HMGCLL1: variants seen among roughly 807,000 people sequenced by gnomAD.
HMGCLL1 encodes 3-hydroxymethyl-3-methylglutaryl-CoA lyase, cytoplasmic.
In HMGCLL1, 36 loss-of-function variants were observed where a neutral mutation model predicts 39.1. The observed-to-expected ratio is 0.92, with a 90% CI of 0.71 to 1.22. HMGCLL1 has a LOEUF of 1.22. Among genes scored for constraint, HMGCLL1 ranks in the 50% most tolerant of loss-of-function variants. The pLI is 0.00. For missense variants in HMGCLL1, 451 were observed against 416.5 expected (o/e 1.08, Z -0.72); for synonymous variants, 149 against 144.0 (o/e 1.03, Z -0.25).
At chr6:55,497,846 A>G (rs1766655610) in intron 6 of HMGCLL1, among the ~76,000 whole-genome samples, 1 of 152,222 alleles carries the variant, frequency 6.6e-6, no homozygotes, top group Non-Finnish European at 1.5e-5. Context: ...TGCAAAGAAC[A>G]TTCCAGGTAG....
intron 5 of HMGCLL1, among the ~76,000 whole-genome samples, chr6:55,511,583 G>A (rs1187411740): frequency 6.6e-6 from 1 of 151,898 alleles, no homozygotes; most frequent in Non-Finnish European, 1.5e-5. Context: ...AAATTTTCTG[G>A]ATGATTATCA....
At chr6:55,648,089 G>A in the HMGCLL1 span, among the ~76,000 whole-genome samples, 1 of 135,128 alleles carries the variant, frequency 7.4e-6, no homozygotes, top group South Asian at 2.5e-4. Context: ...TCCCTACAAA[G>A]GATATGAACT....
At chr6:55,543,483 T>C (rs1326483368) in intron 1 of HMGCLL1, among the ~76,000 whole-genome samples, 5 of 17,312 alleles carry the variant, frequency 2.9e-4, no homozygotes, top group Non-Finnish European at 1.4e-4. Context: ...ATATAATATA[T>C]ATATGATATA....
chr6:55,518,991 C>T (rs758260449), intron 3 of HMGCLL1, among the ~76,000 whole-genome samples: 3 of 152,064 alleles, frequency 2.0e-5, no homozygotes, highest in African/African-American at 4.8e-5. Flanking sequence ...AAAAGAAAGA[C>T]GGACGGTTGC....
the HMGCLL1 span, among the ~76,000 whole-genome samples, chr6:55,602,055 C>T: frequency 1.3e-5 from 2 of 151,974 alleles, no homozygotes; most frequent in South Asian, 2.1e-4. Context: ...TAAAATGCCC[C>T]GTTATCTCTC....
At chr6:55,619,713 C>T in the HMGCLL1 span, among the ~76,000 whole-genome samples, 1 of 152,086 alleles carries the variant, frequency 6.6e-6, no homozygotes, top group East Asian at 1.9e-4. Flanking sequence ...CAATTATACT[C>T]TTTAAGTCAT....
chr6:55,530,543 T>C (rs1035795637), intron 3 of HMGCLL1, among the ~76,000 whole-genome samples: 1 of 151,954 alleles, frequency 6.6e-6, no homozygotes, highest in Non-Finnish European at 1.5e-5. Context: ...TAAAATCAAA[T>C]ATTTTATGAA....
intron 1 of HMGCLL1, among the ~76,000 whole-genome samples, chr6:55,547,330 G>C (rs977580241): frequency 6.6e-6 from 1 of 151,974 alleles, no homozygotes; most frequent in Non-Finnish European, 1.5e-5. Flanking sequence ...GCCAGCGTGT[G>C]TATGCTTGTG....
chr6:55,560,885 C>G (rs890374329), intron 1 of HMGCLL1, among the ~76,000 whole-genome samples: 6 of 152,094 alleles, frequency 3.9e-5, no homozygotes, highest in Non-Finnish European at 7.4e-5. Flanking sequence ...TGGATGCAAC[C>G]TTTATCAGCC....
chr6:55,474,703 C>T (rs538266126), intron 7 of HMGCLL1, among the ~76,000 whole-genome samples: 2 of 151,292 alleles, frequency 1.3e-5, no homozygotes, highest in African/African-American at 4.8e-5. Context: ...TTGTTGTTGT[C>T]GTTGAAAGCC....
intron 1 of HMGCLL1, among the ~76,000 whole-genome samples, chr6:55,560,424 G>T (rs150241918): frequency 6.6e-6 from 1 of 152,188 alleles, no homozygotes; most frequent in African/African-American, 2.4e-5. Context: ...CTCATGTTCT[G>T]TTTCATGTGA....
chr6:55,532,716 G>A (rs1768753787), intron 3 of HMGCLL1, among the ~76,000 whole-genome samples: 2 of 151,420 alleles, frequency 1.3e-5, no homozygotes, highest in Non-Finnish European at 2.9e-5. Context: ...CAGGAGAATC[G>A]CTTGAACCCA....
intron 7 of HMGCLL1, among the ~76,000 whole-genome samples, chr6:55,451,159 G>A (rs1764063574): frequency 6.6e-6 from 1 of 152,098 alleles, no homozygotes; most frequent in Admixed American, 6.6e-5. Context: ...ATATTGTTCT[G>A]ACAATATCTA....
chr6:55,630,469 A>C, the HMGCLL1 span, among the ~76,000 whole-genome samples: 3 of 152,066 alleles, frequency 2.0e-5, no homozygotes, highest in African/African-American at 7.2e-5. Flanking sequence ...CTGTGGACTG[A>C]CATGTAAATG....
intron 1 of HMGCLL1, among the ~76,000 whole-genome samples, chr6:55,559,119 C>A (rs1770813591): frequency 6.6e-6 from 1 of 152,084 alleles, no homozygotes; most frequent in African/African-American, 2.4e-5. Context: ...AGATAAGCAG[C>A]AAGGCTGGAC....
chr6:55,526,789 A>G (rs535270332), intron 3 of HMGCLL1, among the ~76,000 whole-genome samples: 1 of 152,158 alleles, frequency 6.6e-6, no homozygotes, highest in East Asian at 1.9e-4. Context: ...TCTAAATTGC[A>G]ATCACTTCAG....
At chr6:55,543,354 GATATATT>G (rs1191369985) in intron 1 of HMGCLL1, among the ~76,000 whole-genome samples, 2 of 4,768 alleles carry the variant, frequency 4.2e-4, no homozygotes, top group African/African-American at 1.1e-3. Flanking sequence ...TATATAATAT[GATATATT>G]ATATATTATA....
At chr6:55,647,531 T>C in the HMGCLL1 span, among the ~76,000 whole-genome samples, 2 of 150,432 alleles carry the variant, frequency 1.3e-5, no homozygotes, top group Non-Finnish European at 3.0e-5. Flanking sequence ...CTTTAATTTA[T>C]TGCTTTTTAG....
At position 55,466,436 on chromosome 6, in the gene HMGCLL1, A is replaced by T. The variant is rs536593809; in HGVS notation, c.796-26877T>A. ...GAATCTGCTTTGAGAATCTGCAATGACCTTTATGCTTTGCCTCTTTTATTT... is the reference window on the plus strand; with the variant it reads ...GAATCTGCTTTGAGAATCTGCAATGTCCTTTATGCTTTGCCTCTTTTATTT... On this transcript the variant is annotated intron_variant, in intron 7 of 8. Coordinates refer to ENST00000274901, the MANE Select transcript of HMGCLL1 (RefSeq NM_001042406.2). Among the ~76,000 whole-genome samples, 92 of 152,146 alleles carry T rather than the reference A, an allele frequency of 6.0e-4. 3 individuals carry two copies. In the South Asian group the frequency reaches 0.019, roughly 31 times the overall value.
Sources: gnomAD v4.1 joint callset for allele counts (sites outside exome capture counted in the v4.1 genomes callset) on GRCh38, gnomAD v4.1.1 for gene constraint, MANE v1.5 for transcripts, NCBI Gene and HGNC (gene_info 2026-07-23, HGNC 2026-07-21) for gene names.